Variants in NAP1L4 observed in about 807,000 individuals in gnomAD.
NAP1L4 encodes nucleosome assembly protein 1 like 4, also known as nucleosome assembly protein 1-like 4.
In NAP1L4, 15 loss-of-function variants were observed where a neutral mutation model predicts 58.2. The observed-to-expected ratio is 0.26, with a 90% CI of 0.17 to 0.40. NAP1L4 has a LOEUF of 0.40. Among genes scored for constraint, NAP1L4 ranks in the 10% least tolerant of loss-of-function variants. The pLI is 1.00. For missense variants in NAP1L4, 384 were observed against 451.1 expected, an observed-to-expected ratio of 0.85 and a Z score of 1.35; for synonymous variants, 171 against 155.6, an observed-to-expected ratio of 1.10 and a Z score of -0.74.
chr11:2,976,607 G>A (rs895477620), intron 3 of NAP1L4, among the ~76,000 whole-genome samples: 4 of 152,166 alleles, frequency 2.6e-5, no homozygotes, highest in African/African-American at 9.7e-5. Flanking sequence ...TGCCAGCACT[G>A]TTCCCTAAGT....
intron 1 of NAP1L4, among the ~76,000 whole-genome samples, chr11:2,981,413 T>C (rs1195287866): frequency 4.2e-5 from 2 of 47,498 alleles, no homozygotes; most frequent in Non-Finnish European, 7.7e-5. Flanking sequence ...GCAAGTACCC[T>C]GTCTCAAAAA....
intron 4 of NAP1L4, among the ~76,000 whole-genome samples, chr11:2,975,700 A>G (rs1024523811): frequency 6.6e-6 from 1 of 151,080 alleles, no homozygotes; most frequent in Non-Finnish European, 1.5e-5. Context: ...GTCAGGAAGG[A>G]GTGGTTCTCT....
chr11:2,951,836 A>C lies in NAP1L4; in HGVS notation c.1036-27T>G. On this transcript the variant is annotated intron_variant, in intron 12 of 15. Transcript: ENST00000380542. This position sits in a 1 kb window ranked among gnomAD's most constrained non-coding sequence, Gnocchi z 4.0. ...TGGAGAAACACAGAAAAACATTTTT[A>C]GGTTTACAAAACATGACAGCAGCCT... 6.2e-7 allele frequency: 1 copy of C among 1,612,652 alleles called. No individual in the cohort carries two copies. The highest frequency in any genetic ancestry group is 8.5e-7 in the Non-Finnish European group (1 of 1,178,760).
chr11:2,979,783 T>A (rs567327741), intron 1 of NAP1L4, among the ~76,000 whole-genome samples: 251 of 147,482 alleles, frequency 1.7e-3, no homozygotes, highest in African/African-American at 5.5e-3. Flanking sequence ...AAAAAAAAAA[T>A]AAAATAAAAT....
intron 8 of NAP1L4, among the ~76,000 whole-genome samples, chr11:2,963,553 A>G (rs1421054635): frequency 6.6e-6 from 1 of 152,182 alleles, no homozygotes; most frequent in African/African-American, 2.4e-5. Context: ...AAAAAGTAGA[A>G]GAGACAGATA....
rs376402033 is a variant in NAP1L4 at position 2,964,591 on chromosome 11, T to G, written c.606+89A>C. On this transcript the variant is annotated intron_variant, in intron 8 of 15. Coordinates refer to ENST00000380542, the MANE Select transcript of NAP1L4 (RefSeq NM_005969.4). ...CAGATGAGTGGCTGGGTGTGGGTTT[T>G]GTGGGTTTCTTGCCCCTGGCTCCAA... 4 of 1,087,132 alleles carry G rather than the reference T, an allele frequency of 3.7e-6. No homozygotes were observed. The East Asian group carries it at 9.9e-5, about 27-fold the overall frequency. 67.3% of individuals were successfully genotyped at this position (1,087,132 alleles called of 1,614,324 possible). A position where few individuals can be genotyped will look rare whatever the true frequency, so the allele number is the denominator to read the frequency against.
At chr11:2,990,960 G>A (rs991812815) in intron 1 of NAP1L4, 1 of 367,724 alleles carries the variant, frequency 2.7e-6, no homozygotes, top group Non-Finnish European at 5.6e-6. Flanking sequence ...TAAGGTAAGA[G>A]AATTTTTAAA....
intron 10 of NAP1L4, chr11:2,958,095 T>C (rs920995473): frequency 4.6e-5 from 25 of 540,988 alleles, no homozygotes; most frequent in African/African-American, 3.9e-4. Flanking sequence ...CAGGTGCAAA[T>C]ACTCGATTCA....
At position 2,951,026 on chromosome 11, in the gene NAP1L4, T is replaced by G. The variant is rs375002161; in HGVS notation, c.1122+233A>C. On this transcript the variant is annotated intron_variant, in intron 14 of 15. Coordinates refer to ENST00000380542, the MANE Select transcript of NAP1L4 (RefSeq NM_005969.4). The surrounding 1 kb of genome is among the most constrained non-coding windows in gnomAD (Gnocchi z 4.0). ...TGCTCTACTGAGGAGTCTATGTAAA[T>G]AAGACACAGCTTGAGACAGCTGGAA... 50 of 476,252 alleles carry G rather than the reference T, an allele frequency of 1.0e-4. No homozygotes were observed. Among genetic ancestry groups the G allele is most frequent in the African/African-American group, 8.2e-4 (41 of 49,836 alleles). The allele number at this position is 476,252 out of a possible 1,614,324, so 29.5% of individuals were successfully genotyped here.
intron 1 of NAP1L4, among the ~76,000 whole-genome samples, chr11:2,985,395 ATATC>A (rs1848559961): frequency 6.9e-6 from 1 of 144,126 alleles, no homozygotes; most frequent in East Asian, 2.0e-4. Flanking sequence ...AGGAAAATAA[ATATC>A]TGTTTGTTTT....
At chr11:2,984,339 G>A (rs1243008643) in intron 1 of NAP1L4, among the ~76,000 whole-genome samples, 5 of 152,086 alleles carry the variant, frequency 3.3e-5, no homozygotes, top group African/African-American at 9.7e-5. Context: ...TTGGGAGGCC[G>A]AGGCGAGCGG....
At chr11:2,975,107 C>G (rs1847871975) in intron 4 of NAP1L4, among the ~76,000 whole-genome samples, 1 of 151,722 alleles carries the variant, frequency 6.6e-6, no homozygotes, top group Admixed American at 6.6e-5. Context: ...GGAGACCAAG[C>G]CCTGACCCAA....
chr11:2,949,139 T>C lies in NAP1L4; in HGVS notation c.*32+88A>G. On this transcript the variant is annotated intron_variant, in intron 15 of 15. Transcript: ENST00000380542. This position sits in a 1 kb window ranked among gnomAD's most constrained non-coding sequence, Gnocchi z 4.0. Reference sequence around the variant, plus strand: ...ACAGTGAGTGTACCTGGACAGCAACTCCCTCTTTATTCAAAGTCAAAACAA... The same window carrying C: ...ACAGTGAGTGTACCTGGACAGCAACCCCCTCTTTATTCAAAGTCAAAACAA... The C allele has an allele frequency of 9.7e-7, 1 of 1,032,702 alleles. No individual in the cohort carries two copies. The highest frequency in any genetic ancestry group is 1.6e-5 in the African/African-American group (1 of 62,292). 64.0% of individuals were successfully genotyped at this position (1,032,702 alleles called of 1,614,324 possible). A position where few individuals can be genotyped will look rare whatever the true frequency, so the allele number is the denominator to read the frequency against.
rs780035211 is a variant in NAP1L4 at position 2,954,405 on chromosome 11, A to T, written c.1035+122T>A. ...ACAAGGACAGCAGCTTGGACTACAT[A>T]TCTGGCTGATGATGTAATAAAAAGA... On this transcript the variant is annotated intron_variant, in intron 12 of 15. Transcript: ENST00000380542. This position sits in a 1 kb window ranked among gnomAD's most constrained non-coding sequence, Gnocchi z 4.8. 7 of 1,383,976 alleles carry T rather than the reference A, an allele frequency of 5.1e-6. No individual in the cohort carries two copies. The highest frequency in any genetic ancestry group is 1.4e-5 in the African/African-American group (1 of 69,616). The allele number at this position is 1,383,976 out of a possible 1,614,324, so 85.7% of individuals were successfully genotyped here.
intron 8 of NAP1L4, chr11:2,963,698 C>G (rs1847086414): frequency 5.7e-5 from 29 of 512,562 alleles, no homozygotes; most frequent in South Asian, 4.0e-4. Flanking sequence ...AAGGAAGATA[C>G]TGGTGACTGG....
intron 8 of NAP1L4, chr11:2,963,804 A>G (rs759905597): frequency 5.8e-6 from 3 of 519,154 alleles, no homozygotes; most frequent in Admixed American, 1.9e-5. Context: ...GAAAGCCACC[A>G]GTCAGTCAGT....
At position 2,972,179 on chromosome 11, in the gene NAP1L4, T is replaced by C. The variant is rs35073985; in HGVS notation, c.238A>G (p.Ile80Val). The C allele has an allele frequency of 5.6e-6, 9 of 1,609,738 alleles. No homozygotes were observed. The African/African-American group carries it at 9.4e-5, about 17-fold the overall frequency. ...LKQLQVRCAHIEAKFYEEVHD... is the reference protein window; with the variant it reads ...LKQLQVRCAHVEAKFYEEVHD... The stretch of plus-strand genomic sequence containing the variant: ...ACCTCTTCATAGAACTTGGCTTCTA[T>C]GTGAGCACATCTCACCTGAAGTTGT... Residue 80 changes from isoleucine to valine, a missense_variant, in exon 5 of 16, where the codon ATA becomes GTA. By Grantham distance (29) the Ile-to-Val change is conservative (BLOSUM62 3). Transcript: ENST00000380542.
chr11:2,949,883 G>GGCA lies in NAP1L4; in HGVS notation c.1123-622_1123-620dup, dbSNP rs1176287543. Among the ~76,000 whole-genome samples, 1 of 152,252 alleles carries GGCA rather than the reference G, an allele frequency of 6.6e-6. No individual in the cohort carries two copies. Among genetic ancestry groups the GGCA allele is most frequent in the African/African-American group, 2.4e-5 (1 of 41,464 alleles). ...GAGATACAAGTGCAACAAGGACAGA[G>GGCA]GCAGCTGTGCGCGGAGTCTGAGGAG... On this transcript the variant is annotated intron_variant, in intron 14 of 15. Coordinates refer to ENST00000380542, the MANE Select transcript of NAP1L4 (RefSeq NM_005969.4). The surrounding 1 kb of genome is among the most constrained non-coding windows in gnomAD (Gnocchi z 4.0).
intron 2 of NAP1L4, among the ~76,000 whole-genome samples, chr11:2,978,787 T>C (rs1190693007): frequency 2.0e-5 from 3 of 152,140 alleles, no homozygotes; most frequent in Non-Finnish European, 4.4e-5. Flanking sequence ...AAGTGTAAAA[T>C]GAGCCATGAA....
Sources: gnomAD v4.1 joint callset for allele counts (sites outside exome capture counted in the v4.1 genomes callset) on GRCh38, gnomAD v4.1.1 for gene constraint, Gnocchi (gnomAD v3.1) non-coding constraint, MANE v1.5 for transcripts, NCBI Gene and HGNC (gene_info 2026-07-23, HGNC 2026-07-21) for gene names.